Variants in CINP observed in about 807,000 individuals in gnomAD.
CINP encodes the protein cyclin-dependent kinase 2-interacting protein.
A neutral mutation model predicts 20.5 loss-of-function variants in CINP; 11 were observed. That is an observed-to-expected ratio of 0.54 (90% CI 0.34 to 0.89). CINP has a LOEUF of 0.89. Among genes scored for constraint, CINP ranks in the 40% least tolerant of loss-of-function variants. The pLI is 0.02. For synonymous variants in CINP, 108 were observed against 102.1 expected, an observed-to-expected ratio of 1.06 and a Z score of -0.35; for missense variants, 213 against 251.0, an observed-to-expected ratio of 0.85 and a Z score of 1.02.
chr14:102,362,665 CTG>C, intron 1 of CINP, 178 bp downstream of exon 1: 2 of 794,196 alleles, frequency 2.5e-6, no homozygotes, highest in South Asian at 1.4e-5. Context: ...CTCGGCAAAA[CTG>C]TCTCCCGAGC....
At chr14:102,360,247 C>T (rs1425706148) in intron 1 of CINP, among the ~76,000 whole-genome samples, 1 of 152,132 alleles carries the variant, frequency 6.6e-6, no homozygotes, top group Non-Finnish European at 1.5e-5. Flanking sequence ...CAGGCCTTTA[C>T]ACGTGTTCTC....
chr14:102,348,572 G>T lies in CINP; in HGVS notation c.624C>A (p.Gly208=). The T allele has an allele frequency of 6.2e-7, 1 of 1,611,082 alleles. No individual in the cohort carries two copies. The change falls in exon 5 of 5, where the codon GGC becomes GGA. Residue 208 remains glycine, a synonymous_variant. Transcript: ENST00000216756. ...TCTCAGGACGTCAGAGAGCTCGGTG[G>T]CCTGTCTCCAGCAGCATGCTCTCCA... The part of the protein sequence containing the change: ...LHLESMLLET[G]HRAL
intron 1 of CINP, 64 bp downstream of exon 1, chr14:102,362,781 C>A (rs1887200637): frequency 6.2e-7 from 1 of 1,607,518 alleles, no homozygotes; most frequent in Admixed American, 1.7e-5. Context: ...TCTGGTCCAA[C>A]CTGCGGCCTA....
chr14:102,353,350 C>G (rs1462029709), intron 3 of CINP, among the ~76,000 whole-genome samples: 1 of 152,094 alleles, frequency 6.6e-6, no homozygotes, highest in African/African-American at 2.4e-5. Flanking sequence ...GGAAACACTG[C>G]CCAGCCAGGT....
intron 1 of CINP, among the ~76,000 whole-genome samples, chr14:102,361,297 G>A (rs1369620219): frequency 6.6e-6 from 1 of 152,090 alleles, no homozygotes; most frequent in Non-Finnish European, 1.5e-5. Context: ...AGACAGAAAA[G>A]GACTAGTGCG....
chr14:102,353,535 G>A (rs904569948), intron 3 of CINP, among the ~76,000 whole-genome samples: 17 of 152,134 alleles, frequency 1.1e-4, no homozygotes, highest in Non-Finnish European at 2.4e-4. Flanking sequence ...TATCCAGTAC[G>A]TGCCCTTGAT....
At position 102,351,955 on chromosome 14, in the gene CINP, G is replaced by A. The variant is rs1045794620; in HGVS notation, c.307-1907C>T. On this transcript the variant is annotated intron_variant, in intron 3 of 4. Transcript: ENST00000216756. The surrounding 1 kb of genome is among the most constrained non-coding windows in gnomAD (Gnocchi z 4.2). ...GCTGGAGTGCAGTGGCGCGATCTCC[G>A]CTCACTGCAACCTCCGCCTCCCGGG... 5.9e-5 allele frequency among the ~76,000 whole-genome samples: 9 copies of A among 152,190 alleles called. No individual in the cohort carries two copies. The highest frequency in any genetic ancestry group is 3.4e-3 in the Middle Eastern group (1 of 294).
At chr14:102,356,482 A>T (rs916467051) in intron 2 of CINP, among the ~76,000 whole-genome samples, 1 of 151,998 alleles carries the variant, frequency 6.6e-6, no homozygotes, top group Non-Finnish European at 1.5e-5. Context: ...TGGATGTACA[A>T]AGATGAATAA....
Position 102,362,864 on chromosome 14 carries a change from T to C in CINP, c.-13A>G, listed in dbSNP as rs1181561594. The C allele has an allele frequency of 1.2e-6, 2 of 1,613,996 alleles. No homozygotes were observed. Among genetic ancestry groups the C allele is most frequent in the Non-Finnish European group, 1.7e-6 (2 of 1,179,914 alleles). On this transcript the variant is annotated 5_prime_UTR_variant, in exon 1 of 5. It adds an upstream start codon to the 5' untranslated region. Transcript: ENST00000216756. ...ACGCACCTTCCATAAGGTCCACAGA[T>C]ATCCGTAGAAGGAGACGCGAAGCCC...
chr14:102,356,429 ACAC>A (rs2139631525), intron 2 of CINP, among the ~76,000 whole-genome samples: 1 of 151,974 alleles, frequency 6.6e-6, no homozygotes, highest in African/African-American at 2.4e-5. Flanking sequence ...AAAAAAAAAA[ACAC>A]CATTCAGCGG....
intron 1 of CINP, among the ~76,000 whole-genome samples, chr14:102,362,234 C>T (rs987666135): frequency 6.6e-6 from 1 of 152,186 alleles, no homozygotes; most frequent in African/African-American, 2.4e-5. Flanking sequence ...TCAAGAAACT[C>T]AAGGGCTGGT....
intron 3 of CINP, among the ~76,000 whole-genome samples, chr14:102,354,866 T>TC (rs1394354564): frequency 1.3e-5 from 2 of 152,058 alleles, no homozygotes; most frequent in African/African-American, 4.8e-5. Flanking sequence ...GGTCAGGAGT[T>TC]CGAGACCAGC....
chr14:102,348,830 T>C (rs1886804559), intron 4 of CINP, 71 bp from the exon 5 acceptor site: 6 of 1,393,284 alleles, frequency 4.3e-6, no homozygotes, highest in Non-Finnish European at 6.0e-6. Context: ...AAGAACTACA[T>C]TTTAACAGCT....
chr14:102,351,554 G>T lies in CINP; in HGVS notation c.307-1506C>A, dbSNP rs1597746749. On this transcript the variant is annotated intron_variant, in intron 3 of 4. Transcript: ENST00000216756. The surrounding 1 kb of genome is among the most constrained non-coding windows in gnomAD (Gnocchi z 4.2). Reference sequence around the variant, plus strand: ...AAATTTTGAACTCCTAAGTATAGTTGACTTTACATACATAAATATGAAAAA... The same window carrying T: ...AAATTTTGAACTCCTAAGTATAGTTTACTTTACATACATAAATATGAAAAA... 6.6e-6 allele frequency among the ~76,000 whole-genome samples: 1 copy of T among 152,054 alleles called. No homozygotes were observed. The highest frequency in any genetic ancestry group is 1.5e-5 in the Non-Finnish European group (1 of 68,020).
intron 1 of CINP, 73 bp downstream of exon 1, chr14:102,362,772 C>G: frequency 6.3e-7 from 1 of 1,596,204 alleles, no homozygotes; most frequent in East Asian, 2.2e-5. Context: ...TCCTGAGCTT[C>G]TGGTCCAACC....
chr14:102,348,713 G>A lies in CINP; in HGVS notation c.483C>T (p.Leu161=), dbSNP rs1360970383. ...KLLEMYRKEL[L]LKRTVAKELA... ...GCTCCTTGGCCACCGTGCGCTTCAG[G>A]AGCAGCTCCTTCCTGTACATCTCCA... Residue 161 remains leucine, a synonymous_variant, in exon 5 of 5, where the codon CTC becomes CTT. Transcript: ENST00000216756. The A allele has an allele frequency of 3.1e-6, 5 of 1,613,814 alleles. No individual in the cohort carries two copies. The highest frequency in any genetic ancestry group is 4.2e-6 in the Non-Finnish European group (5 of 1,179,946).
chr14:102,348,872 T>A, intron 4 of CINP, 113 bp from the exon 5 acceptor site: 2 of 934,426 alleles, frequency 2.1e-6, no homozygotes, highest in Non-Finnish European at 3.3e-6. Context: ...GCAACAGCAC[T>A]GAGGGGAAGA....
intron 2 of CINP, among the ~76,000 whole-genome samples, chr14:102,359,217 TA>T (rs1887069719): frequency 9.0e-6 from 1 of 110,802 alleles, no homozygotes; most frequent in Non-Finnish European, 1.9e-5. Flanking sequence ...AATAAATAAA[TA>T]AATAACTAAA....
intron 2 of CINP, among the ~76,000 whole-genome samples, chr14:102,357,078 A>G (rs1428626806): frequency 1.3e-5 from 2 of 152,200 alleles, no homozygotes; most frequent in African/African-American, 4.8e-5. Flanking sequence ...TGAGGAAGGC[A>G]TGTCAAAAGC....
Sources: gnomAD v4.1 joint callset for allele counts (sites outside exome capture counted in the v4.1 genomes callset) on GRCh38, gnomAD v4.1.1 for gene constraint, Gnocchi (gnomAD v3.1) non-coding constraint, MANE v1.5 for transcripts, NCBI Gene and HGNC (gene_info 2026-07-23, HGNC 2026-07-21) for gene names.